The following ARHGAP6 variants were observed in gnomAD, a reference collection of about 807,000 sequenced individuals.
ARHGAP6 encodes the protein rho GTPase-activating protein 6.
ARHGAP6 carries 16 observed loss-of-function variants against 55.7 expected under a neutral mutation model. The observed-to-expected ratio is 0.29, with a 90% confidence interval of 0.19 to 0.44. The LOEUF (loss-of-function observed/expected upper bound fraction) is 0.44. Among genes scored for constraint, ARHGAP6 ranks in the 20% least tolerant of loss-of-function variants. ARHGAP6 has a pLI of 1.00. For missense variants in ARHGAP6, 698 were observed against 808.9 expected (o/e 0.86, Z 1.66); for synonymous variants, 382 against 360.9 (o/e 1.06, Z -0.66).
intron 1 of ARHGAP6, among the ~76,000 whole-genome samples, chrX:11,450,837 C>T (rs1252364978): frequency 1.8e-5 from 2 of 111,589 alleles, no homozygotes; most frequent in Non-Finnish European, 3.8e-5. Context: ...GCACACCTCC[C>T]TCCATTGTTG....
intron 1 of ARHGAP6, among the ~76,000 whole-genome samples, chrX:11,386,754 A>G (rs2049332824): frequency 1.8e-5 from 2 of 112,498 alleles, no homozygotes; most frequent in Non-Finnish European, 3.8e-5. Flanking sequence ...TGGAAACATG[A>G]ATAAAAAAGA....
intron 10 of ARHGAP6, among the ~76,000 whole-genome samples, chrX:11,149,132 G>C (rs1569230893): frequency 8.9e-6 from 1 of 112,061 alleles, no homozygotes; most frequent in Non-Finnish European, 1.9e-5. Flanking sequence ...CTCATTTTTA[G>C]TCCTTATTAA....
chrX:11,539,225 A>G (rs1414798864), intron 1 of ARHGAP6, among the ~76,000 whole-genome samples: 1 of 111,740 alleles, frequency 8.9e-6, no homozygotes, highest in African/African-American at 3.3e-5. Context: ...CTATAGTAAC[A>G]TTCCCCAAGT....
chrX:11,528,104 TG>T (rs1279505410), intron 1 of ARHGAP6, among the ~76,000 whole-genome samples: 4 of 112,235 alleles, frequency 3.6e-5, no homozygotes, highest in African/African-American at 9.7e-5. Context: ...TAAGTATGGC[TG>T]GATTCCTTTT....
intron 1 of ARHGAP6, among the ~76,000 whole-genome samples, chrX:11,488,627 G>A (rs1217342281): frequency 5.4e-5 from 6 of 110,933 alleles, no homozygotes; most frequent in Non-Finnish European, 7.6e-5. Flanking sequence ...CAGGAGGTAA[G>A]CAGCAGACCA....
intron 1 of ARHGAP6, among the ~76,000 whole-genome samples, chrX:11,589,701 G>A (rs2051781844): frequency 9.0e-6 from 1 of 111,339 alleles, no homozygotes; most frequent in Admixed American, 9.6e-5. Context: ...GGTTTGGAGG[G>A]GAAAGGCTGA....
At chrX:11,162,340 C>G (rs1368527169) in intron 9 of ARHGAP6, among the ~76,000 whole-genome samples, 1 of 96,219 alleles carries the variant, frequency 1.0e-5, no homozygotes, top group Non-Finnish European at 2.1e-5. Flanking sequence ...TGTGCCCCCC[C>G]CCCCATATTT....
At chrX:11,494,511 A>G (rs774669735) in intron 1 of ARHGAP6, among the ~76,000 whole-genome samples, 1 of 112,841 alleles carries the variant, frequency 8.9e-6, no homozygotes, top group Non-Finnish European at 1.9e-5. Flanking sequence ...ATTCACTTGA[A>G]TCCAAATCAA....
chrX:11,285,174 T>A (rs1399155268), intron 1 of ARHGAP6, among the ~76,000 whole-genome samples: 1 of 108,542 alleles, frequency 9.2e-6, no homozygotes, highest in Non-Finnish European at 1.9e-5. Flanking sequence ...GTTTTTTTTT[T>A]TTTTTTCCAA....
intron 1 of ARHGAP6, among the ~76,000 whole-genome samples, chrX:11,381,005 C>G (rs1418094913): frequency 1.8e-5 from 2 of 112,779 alleles, no homozygotes; most frequent in Non-Finnish European, 3.8e-5. Flanking sequence ...GGAGCAGTGT[C>G]CACATGGCTA....
chrX:11,468,965 A>G (rs771536619), intron 1 of ARHGAP6, among the ~76,000 whole-genome samples: 2 of 112,495 alleles, frequency 1.8e-5, no homozygotes, highest in African/African-American at 3.2e-5. Flanking sequence ...ACTAATGTAG[A>G]AGAAACATGA....
chrX:11,325,414 G>T (rs1424651549), intron 1 of ARHGAP6, among the ~76,000 whole-genome samples: 1 of 112,063 alleles, frequency 8.9e-6, no homozygotes, highest in Non-Finnish European at 1.9e-5. Flanking sequence ...GACAAAATAT[G>T]AAAGCTATTA....
chrX:11,662,636 A>G (rs2052714475), intron 1 of ARHGAP6, among the ~76,000 whole-genome samples: 1 of 112,651 alleles, frequency 8.9e-6, no homozygotes, highest in Non-Finnish European at 1.9e-5. Context: ...GCAACAAGTG[A>G]AATCATCTAC....
intron 1 of ARHGAP6, among the ~76,000 whole-genome samples, chrX:11,420,730 G>A (rs1603196759): frequency 1.8e-5 from 2 of 111,442 alleles, no homozygotes; most frequent in South Asian, 7.6e-4. Context: ...TTATCCTCAA[G>A]GAGTAGGGAC....
At chrX:11,349,594 T>C (rs1012314168) in intron 1 of ARHGAP6, among the ~76,000 whole-genome samples, 11 of 111,686 alleles carry the variant, frequency 9.8e-5, no homozygotes, top group African/African-American at 3.3e-4. Flanking sequence ...CTAAATAAAA[T>C]AGACATTTCA....
chrX:11,554,555 C>A (rs967567134), intron 1 of ARHGAP6, among the ~76,000 whole-genome samples: 1 of 111,804 alleles, frequency 8.9e-6, no homozygotes, highest in African/African-American at 3.2e-5. Context: ...ATGACATGTA[C>A]CTCCTAAATA....
chrX:11,341,592 C>T (rs949010384), intron 1 of ARHGAP6, among the ~76,000 whole-genome samples: 4 of 111,875 alleles, frequency 3.6e-5, no homozygotes, highest in African/African-American at 9.8e-5. Context: ...TGTACGCCCA[C>T]GCCTGACCTC....
chrX:11,150,199 T>TA (rs1260765524), intron 10 of ARHGAP6, among the ~76,000 whole-genome samples: 3 of 111,795 alleles, frequency 2.7e-5, no homozygotes, highest in Non-Finnish European at 5.6e-5. Flanking sequence ...CAAATCTTTA[T>TA]ATGTTTCCTC....
chrX:11,301,161 T>C (rs1008503126), intron 1 of ARHGAP6, among the ~76,000 whole-genome samples: 2 of 83,589 alleles, frequency 2.4e-5, no homozygotes, highest in Non-Finnish European at 4.6e-5. Flanking sequence ...AATCAAAATC[T>C]GGTCTTTTGA....
Sources: gnomAD v4.1 joint callset for allele counts (sites outside exome capture counted in the v4.1 genomes callset) on GRCh38, gnomAD v4.1.1 for gene constraint, MANE v1.5 for transcripts, NCBI Gene and HGNC (gene_info 2026-07-23, HGNC 2026-07-21) for gene names.